BCL11A: variants seen among roughly 807,000 people sequenced by gnomAD.
BCL11A encodes the protein B cell CLL/lymphoma 11A.
Under a neutral mutation model 55.9 loss-of-function variants are expected in BCL11A, and 2 were observed. The ratio of observed to expected loss-of-function variants is 0.04; its 90% CI spans 0.01 to 0.11. The LOEUF (loss-of-function observed/expected upper bound fraction) is 0.11, where lower values mean the gene tolerates loss of function less well. BCL11A is among the 10% of genes least tolerant of loss of function. BCL11A has a pLI of 1.00. For missense variants in BCL11A, 817 were observed against 1,137.1 expected (o/e 0.72, Z 4.05); for synonymous variants, 465 against 473.4 (o/e 0.98, Z 0.23).
Position 60,461,089 on chromosome 2 carries a change from G to A in BCL11A, c.1823C>T (p.Ser608Phe). The A allele has an allele frequency of 6.2e-7, 1 of 1,602,434 alleles. No individual in the cohort carries two copies. Among genetic ancestry groups the A allele is most frequent in the Non-Finnish European group, 8.5e-7 (1 of 1,173,720 alleles). Reference protein sequence around the residue: ...DDGTVNGRGCSPGESASGGLS... With the variant: ...DDGTVNGRGCFPGESASGGLS... ...GCCCCCCGAGGCCGACTCGCCCGGG[G>A]AGCAGCCGCGGCCATTAACAGTGCC... Residue 608 changes from serine to phenylalanine, a missense_variant, in exon 4 of 4, where the codon TCC becomes TTC. Physicochemically the swap from Ser to Phe is radical, Grantham distance 155 (BLOSUM62 -2). This residue lies in a region of BCL11A where 379 missense variants were observed against 425.3 expected (regional missense o/e 0.89). Transcript: ENST00000642384.
At chr2:60,540,008 CATT>C (rs2104703023) in intron 2 of BCL11A, among the ~76,000 whole-genome samples, 1 of 152,220 alleles carries the variant, frequency 6.6e-6, no homozygotes, top group South Asian at 2.1e-4. Context: ...AAATAGTAGT[CATT>C]ATCCATTAAA....
intron 1 of BCL11A, among the ~76,000 whole-genome samples, chr2:60,551,692 G>C (rs1227474834): frequency 3.3e-5 from 5 of 152,108 alleles, no homozygotes; most frequent in Non-Finnish European, 7.4e-5. Context: ...AAGAGGTCTC[G>C]GCATTGTGCT....
At chr2:60,515,617 A>G (rs966256097) in intron 2 of BCL11A, among the ~76,000 whole-genome samples, 6 of 152,194 alleles carry the variant, frequency 3.9e-5, no homozygotes, top group Admixed American at 6.5e-5. Context: ...CCAGCCCACT[A>G]GAAGGAGATA....
At chr2:60,521,152 T>C (rs896664254) in intron 2 of BCL11A, among the ~76,000 whole-genome samples, 2 of 151,852 alleles carry the variant, frequency 1.3e-5, no homozygotes, top group Non-Finnish European at 2.9e-5. Context: ...GGTGCCAGGT[T>C]ACATTTCTAC....
At chr2:60,462,550 C>T (rs1572954110) in intron 3 of BCL11A, 126 bp from the exon 4 acceptor site, 15 of 1,436,836 alleles carry the variant, frequency 1.0e-5, no homozygotes, top group East Asian at 5.0e-5. Context: ...TAAGCCCTCA[C>T]TGACCTACCC....
intron 3 of BCL11A, among the ~76,000 whole-genome samples, chr2:60,467,099 ATGGTGGTGGTAG>A (rs1306826313): frequency 1.0e-5 from 1 of 97,566 alleles, no homozygotes; most frequent in South Asian, 3.6e-4. Flanking sequence ...GGTGGTGATG[ATGGTGGTGGTAG>A]TGGTGGTGGT....
At chr2:60,488,337 G>A (rs777811322) in intron 2 of BCL11A, among the ~76,000 whole-genome samples, 3 of 152,160 alleles carry the variant, frequency 2.0e-5, no homozygotes, top group Non-Finnish European at 4.4e-5. Flanking sequence ...TGTCCTCCCT[G>A]GTTCCTCTCC....
rs757638039 is a variant in BCL11A at position 60,461,337 on chromosome 2, G to C, written c.1575C>G (p.His525Gln). ...CGACCGCGCCCCGCGAGCTGTTCTC[G>C]TGGTGGCGCGCCGCCTCCAGGCTCA... ...FGLSLEAARH[H>Q]ENSSRGAVVG... Residue 525 changes from histidine to glutamine, a missense_variant, in exon 4 of 4, where the codon CAC (histidine) becomes CAG (glutamine). His to Gln is a conservative substitution (Grantham distance 24). Transcript: ENST00000642384. 3 of 1,593,222 alleles carry C rather than the reference G, an allele frequency of 1.9e-6. No individual in the cohort carries two copies. In the South Asian group the frequency reaches 3.4e-5, roughly 18 times the overall value.
intron 2 of BCL11A, among the ~76,000 whole-genome samples, chr2:60,482,748 A>G (rs1449131924): frequency 3.9e-5 from 6 of 152,256 alleles, no homozygotes; most frequent in African/African-American, 1.4e-4. Context: ...TCTATTTTGA[A>G]GGACAGGTTA....
At chr2:60,484,991 C>T (rs1414840380) in intron 2 of BCL11A, among the ~76,000 whole-genome samples, 1 of 149,800 alleles carries the variant, frequency 6.7e-6, no homozygotes, top group Non-Finnish European at 1.5e-5. Flanking sequence ...ACCAACCAAC[C>T]AAACAAAAAA....
At chr2:60,452,430 G>T, downstream of BCL11A, 1 of 677,412 alleles carries the variant, frequency 1.5e-6, no homozygotes, top group Non-Finnish European at 2.6e-6. Context: ...GCCTAGGCTG[G>T]AAGGACTCTG....
At chr2:60,545,849 G>A (rs1001434475) in intron 2 of BCL11A, 122 bp downstream of exon 2, 2 of 774,974 alleles carry the variant, frequency 2.6e-6, no homozygotes, top group Non-Finnish European at 2.2e-6. Flanking sequence ...TTACAGGGCT[G>A]TCATGGACAG....
intron 2 of BCL11A, chr2:60,544,260 C>T (rs1670054272): frequency 6.6e-6 from 1 of 152,254 alleles, no homozygotes; most frequent in Non-Finnish European, 1.5e-5. Flanking sequence ...GGTGATTTAG[C>T]AAGGCTTTGG....
chr2:60,481,315 A>T (rs1205042568), intron 2 of BCL11A, among the ~76,000 whole-genome samples: 1 of 152,094 alleles, frequency 6.6e-6, no homozygotes, highest in Non-Finnish European at 1.5e-5. Flanking sequence ...TAACTCCTTG[A>T]AAACAAAAAT....
chr2:60,463,984 G>A lies in BCL11A; in HGVS notation c.488-1560C>T, dbSNP rs150291080. On this transcript the variant is annotated intron_variant, in intron 3 of 3. Coordinates refer to ENST00000642384, the MANE Select transcript of BCL11A (RefSeq NM_022893.4). ...AGAATGAGGAATTAATCAATTATAT[G>A]ATGCCTCCATTTAGCAAGTCAGAAA... Among the ~76,000 whole-genome samples the A allele has an allele frequency of 9.9e-5, 15 of 151,864 alleles. No individual in the cohort carries two copies. The East Asian group carries it at 2.9e-3, about 29-fold the overall frequency.
intron 2 of BCL11A, among the ~76,000 whole-genome samples, chr2:60,485,365 C>T (rs541700010): frequency 1.3e-5 from 2 of 152,356 alleles, no homozygotes; most frequent in African/African-American, 4.8e-5. Flanking sequence ...TTATTAGCCC[C>T]AGCAGGGCCC....
intron 2 of BCL11A, among the ~76,000 whole-genome samples, chr2:60,513,848 AAC>A (rs1416135089): frequency 6.6e-6 from 1 of 152,188 alleles, no homozygotes; most frequent in Non-Finnish European, 1.5e-5. Context: ...CTCTCTTCTC[AAC>A]AAGCCAGAGA....
chr2:60,546,299 G>T lies in BCL11A; in HGVS notation c.57C>A (p.Pro19=), dbSNP rs113193569. Residue 19 remains proline (P), a splice_region_variant and synonymous_variant, in exon 2 of 4, where the codon CCC becomes CCA. Coordinates refer to ENST00000642384, the MANE Select transcript of BCL11A (RefSeq NM_022893.4). The surrounding 1 kb of genome is among the most constrained non-coding windows in gnomAD (Gnocchi z 4.1). ...PQHLSKREFS[P]EPLEAILTDD... is the part of the protein sequence containing the mutation. Reference sequence around the variant, plus strand: ...CTGTAAGAATGGCTTCAAGAGGCTCGGCTGTGGTTGGAGAAACAAAAGCAC... The same window carrying T: ...CTGTAAGAATGGCTTCAAGAGGCTCTGCTGTGGTTGGAGAAACAAAAGCAC... The T allele has an allele frequency of 6.2e-6, 10 of 1,610,738 alleles. No individual in the cohort carries two copies. Among genetic ancestry groups the T allele is most frequent in the Non-Finnish European group, 8.5e-6 (10 of 1,177,938 alleles).
At chr2:60,541,733 T>C in intron 2 of BCL11A, 2 of 520,120 alleles carry the variant, frequency 3.8e-6, no homozygotes, top group Non-Finnish European at 6.9e-6. Flanking sequence ...GTATATTGTT[T>C]TTTGTGGTAG....
Sources: gnomAD v4.1 joint callset for allele counts (sites outside exome capture counted in the v4.1 genomes callset) on GRCh38, gnomAD v4.1.1 for gene constraint, gnomAD v4.1.1 regional missense constraint, Gnocchi (gnomAD v3.1) non-coding constraint, MANE v1.5 for transcripts, NCBI Gene and HGNC (gene_info 2026-07-23, HGNC 2026-07-21) for gene names.